LIMA1: variants seen among roughly 807,000 people sequenced by gnomAD.
LIMA1 encodes LIM domain and actin-binding protein 1.
LIMA1 carries 52 observed loss-of-function variants against 62.6 expected under a neutral mutation model. That is an observed-to-expected ratio of 0.83 (90% CI 0.67 to 1.05). The LOEUF (loss-of-function observed/expected upper bound fraction) is 1.05, where lower values mean the gene tolerates loss of function less well. Ranked by LOEUF, LIMA1 falls within the 50% of genes least tolerant of loss-of-function variation. The pLI is 0.00. For synonymous variants in LIMA1, 302 were observed against 317.8 expected, an observed-to-expected ratio of 0.95 and a Z score of 0.53; for missense variants, 780 against 902.2, an observed-to-expected ratio of 0.86 and a Z score of 1.74.
intron 10 of LIMA1, among the ~76,000 whole-genome samples, chr12:50,178,791 T>C (rs192451401): frequency 1.3e-5 from 2 of 152,104 alleles, no homozygotes; most frequent in African/African-American, 2.4e-5. Context: ...ACTGGTCTTA[T>C]ATGAAAAATG....
chr12:50,224,115 C>T (rs1941491920), intron 3 of LIMA1: 2 of 152,132 alleles, frequency 1.3e-5, no homozygotes, highest in Admixed American at 1.3e-4. Flanking sequence ...AATTGAACAG[C>T]ACCACCTTCC....
intron 4 of LIMA1, among the ~76,000 whole-genome samples, chr12:50,210,658 C>T (rs977029853): frequency 2.0e-5 from 3 of 152,162 alleles, no homozygotes; most frequent in African/African-American, 7.2e-5. Flanking sequence ...CCAGAGCATA[C>T]ACCTTGCCAG....
chr12:50,272,547 G>A (rs1039400594), intron 1 of LIMA1, among the ~76,000 whole-genome samples: 56 of 144,612 alleles, frequency 3.9e-4, no homozygotes, highest in African/African-American at 1.2e-3. Flanking sequence ...AGCCGAGCTC[G>A]TGCCATTGCA....
chr12:50,200,995 C>T, intron 6 of LIMA1, 111 bp from the exon 7 acceptor site: 1 of 1,474,798 alleles, frequency 6.8e-7, no homozygotes, highest in Non-Finnish European at 8.9e-7. Flanking sequence ...TCTAAGAAGC[C>T]TCGGGTCAAA....
At chr12:50,243,919 C>CT (rs944990232) in intron 2 of LIMA1, among the ~76,000 whole-genome samples, 93 of 147,296 alleles carry the variant, frequency 6.3e-4, no homozygotes, top group Middle Eastern at 7.1e-3. Context: ...TTATATATTT[C>CT]TTTTTTTTTT....
chr12:50,216,991 T>A (rs912793471), intron 4 of LIMA1, among the ~76,000 whole-genome samples: 1 of 152,188 alleles, frequency 6.6e-6, no homozygotes, highest in African/African-American at 2.4e-5. Context: ...AAGGCAGCTA[T>A]GCTTACCACT....
chr12:50,258,231 C>T (rs914250786), intron 1 of LIMA1, among the ~76,000 whole-genome samples: 2 of 152,126 alleles, frequency 1.3e-5, no homozygotes, highest in Non-Finnish European at 2.9e-5. Flanking sequence ...GTCACTGCTT[C>T]TAGGCGTCTT....
chr12:50,219,393 G>A (rs1447004006), intron 4 of LIMA1, among the ~76,000 whole-genome samples: 1 of 152,128 alleles, frequency 6.6e-6, no homozygotes, highest in Non-Finnish European at 1.5e-5. Flanking sequence ...GCTGAGGCAG[G>A]AGAATTACTT....
chr12:50,179,304 G>T (rs537565424), intron 10 of LIMA1, among the ~76,000 whole-genome samples: 1 of 151,894 alleles, frequency 6.6e-6, no homozygotes, highest in Non-Finnish European at 1.5e-5. Context: ...ACCATGCACG[G>T]CAAATTTTTG....
At chr12:50,281,247 AG>A (rs1334876708) in intron 1 of LIMA1, among the ~76,000 whole-genome samples, 2 of 152,172 alleles carry the variant, frequency 1.3e-5, no homozygotes, top group African/African-American at 4.8e-5. Flanking sequence ...AGAAAATATA[AG>A]AATTTGAAAC....
intron 9 of LIMA1, among the ~76,000 whole-genome samples, chr12:50,184,617 T>C (rs1940585167): frequency 6.6e-6 from 1 of 152,084 alleles, no homozygotes; most frequent in African/African-American, 2.4e-5. Context: ...CCTCCAGCCT[T>C]GGAGACAGGG....
chr12:50,206,036 T>C lies in LIMA1; in HGVS notation c.663A>G (p.Gly221=). The change falls in exon 5 of 11, where the codon GGA becomes GGG. Residue 221 remains glycine, a synonymous_variant. Coordinates refer to ENST00000341247, the MANE Select transcript of LIMA1 (RefSeq NM_016357.5). ...AATAGCTGTTTTCAGAGATCTTCCT[T>C]CCACTTGCACTTCGGCTTTGGGCCC... ...ILRAQSRSAS[G]RKISENSYSL... is the part of the protein sequence containing the mutation. The C allele has an allele frequency of 5.0e-6, 8 of 1,613,168 alleles. No individual in the cohort carries two copies. The highest frequency in any genetic ancestry group is 6.8e-6 in the Non-Finnish European group (8 of 1,179,352).
chr12:50,216,033 G>T (rs1362589046), intron 4 of LIMA1, among the ~76,000 whole-genome samples: 1 of 102,728 alleles, frequency 9.7e-6, no homozygotes, highest in Non-Finnish European at 1.9e-5. Context: ...ACAGAGCGAG[G>T]CTGTCTCAAA....
At chr12:50,222,587 G>A (rs1592533205) in intron 3 of LIMA1, 102 bp from the exon 4 acceptor site, 3 of 1,559,814 alleles carry the variant, frequency 1.9e-6, no homozygotes, top group South Asian at 2.3e-5. Flanking sequence ...GCTGCTCCTG[G>A]TCCACTGCTG....
chr12:50,280,144 ATTTTT>A (rs71441354), intron 1 of LIMA1, among the ~76,000 whole-genome samples: 152 of 68,294 alleles, frequency 2.2e-3, no homozygotes, highest in African/African-American at 7.9e-3. Context: ...GGGTAGTAGT[ATTTTT>A]TTTTTTTTTT....
At chr12:50,209,555 G>A (rs1342251221) in intron 4 of LIMA1, among the ~76,000 whole-genome samples, 10 of 116,990 alleles carry the variant, frequency 8.5e-5, no homozygotes, top group East Asian at 7.3e-4. Flanking sequence ...GTGACAGAGC[G>A]AGACTCCATC....
intron 8 of LIMA1, among the ~76,000 whole-genome samples, chr12:50,193,570 GATAT>G (rs67576611): frequency 2.0e-4 from 23 of 114,458 alleles, no homozygotes; most frequent in Non-Finnish European, 2.7e-4. Flanking sequence ...ATGTATATAT[GATAT>G]ATATATACAT....
At chr12:50,221,755 T>A (rs146311715) in intron 4 of LIMA1, among the ~76,000 whole-genome samples, 293 of 152,328 alleles carry the variant, frequency 1.9e-3, no homozygotes, top group African/African-American at 6.7e-3. Flanking sequence ...CAAAAACACA[T>A]AATCCAATCG....
intron 1 of LIMA1, among the ~76,000 whole-genome samples, chr12:50,252,355 G>A (rs927745136): frequency 2.6e-5 from 4 of 152,110 alleles, no homozygotes; most frequent in East Asian, 1.9e-4. Context: ...TGAGGCAGGC[G>A]GATCACCTGA....
Sources: allele counts gnomAD v4.1 joint callset (sites outside exome capture counted in the v4.1 genomes callset), GRCh38; gene constraint gnomAD v4.1.1; transcripts MANE v1.5; gene names NCBI Gene and HGNC (gene_info 2026-07-23, HGNC 2026-07-21).